The following GRIK4 variants were observed in gnomAD, a reference collection of about 807,000 sequenced individuals.
GRIK4 encodes the protein glutamate receptor ionotropic, kainate 4.
A neutral mutation model predicts 104.9 loss-of-function variants in GRIK4; 40 were observed. The observed-to-expected ratio is 0.38, with a 90% CI of 0.30 to 0.50. The LOEUF (loss-of-function observed/expected upper bound fraction) is 0.50, where lower values mean the gene tolerates loss of function less well. GRIK4 is among the 20% of genes least tolerant of loss of function. GRIK4 has a pLI of 0.93. For synonymous variants in GRIK4, 485 were observed against 524.9 expected, an observed-to-expected ratio of 0.92 and a Z score of 1.04; for missense variants, 1,047 against 1,308.1, an observed-to-expected ratio of 0.80 and a Z score of 3.08.
chr11:120,847,679 A>G (rs1953882111), intron 8 of GRIK4, among the ~76,000 whole-genome samples: 1 of 152,226 alleles, frequency 6.6e-6, no homozygotes, highest in Admixed American at 6.5e-5. Flanking sequence ...GGAGGTGGGG[A>G]GAACCTTTCA....
chr11:120,527,600 C>A (rs1947871524), intron 1 of GRIK4, among the ~76,000 whole-genome samples: 1 of 152,220 alleles, frequency 6.6e-6, no homozygotes, highest in Admixed American at 6.5e-5. Flanking sequence ...GGGCTGGGGG[C>A]TGGGAGGAAG....
chr11:120,785,044 G>C (rs185793299), intron 3 of GRIK4, among the ~76,000 whole-genome samples: 1 of 148,068 alleles, frequency 6.8e-6, no homozygotes, highest in African/African-American at 2.7e-5. Flanking sequence ...ACCTATGAAG[G>C]CTCCCAGCAG....
At chr11:120,694,526 C>T (rs893634823) in intron 3 of GRIK4, among the ~76,000 whole-genome samples, 1 of 152,136 alleles carries the variant, frequency 6.6e-6, no homozygotes, top group African/African-American at 2.4e-5. Flanking sequence ...TCCCCACCCA[C>T]CCCCCAACCC....
At chr11:120,725,463 G>T (rs1473734474) in intron 3 of GRIK4, among the ~76,000 whole-genome samples, 1 of 152,180 alleles carries the variant, frequency 6.6e-6, no homozygotes. Flanking sequence ...GGAGATGGTA[G>T]ATCAGTCTCA....
At chr11:120,721,473 G>A (rs1950932746) in intron 3 of GRIK4, among the ~76,000 whole-genome samples, 1 of 152,148 alleles carries the variant, frequency 6.6e-6, no homozygotes, top group African/African-American at 2.4e-5. Flanking sequence ...CCAAGAGGAG[G>A]GACCATGCCA....
intron 1 of GRIK4, among the ~76,000 whole-genome samples, chr11:120,645,221 C>T (rs1949527591): frequency 6.6e-6 from 1 of 152,118 alleles, no homozygotes; most frequent in Non-Finnish European, 1.5e-5. Flanking sequence ...TGCAAAGCCT[C>T]CTCTGACCGT....
At chr11:120,629,052 G>A (rs540468243) in intron 1 of GRIK4, among the ~76,000 whole-genome samples, 6 of 152,234 alleles carry the variant, frequency 3.9e-5, no homozygotes, top group Non-Finnish European at 5.9e-5. Context: ...CTGATGGAGC[G>A]GCACAGCCAT....
chr11:120,518,619 TTTTAAAATTTTTTAAATA>T (rs1456122629), intron 1 of GRIK4, among the ~76,000 whole-genome samples: 4 of 152,066 alleles, frequency 2.6e-5, no homozygotes, highest in Non-Finnish European at 5.9e-5. Flanking sequence ...GCCTGTGTCT[TTTTAAAATTTTTTAAATA>T]TTTTGAGATG....
chr11:120,844,964 G>C (rs1307328861), intron 8 of GRIK4, among the ~76,000 whole-genome samples: 1 of 152,190 alleles, frequency 6.6e-6, no homozygotes, highest in Non-Finnish European at 1.5e-5. Flanking sequence ...ACCTGGGACT[G>C]TTTCCTTCAC....
intron 6 of GRIK4, among the ~76,000 whole-genome samples, chr11:120,824,555 T>C (rs75161317): frequency 1.4e-5 from 2 of 144,818 alleles, no homozygotes; most frequent in Admixed American, 6.9e-5. Flanking sequence ...TTTCTTTTCT[T>C]TTTTTTTTTT....
intron 13 of GRIK4, among the ~76,000 whole-genome samples, chr11:120,934,001 G>A (rs1591301511): frequency 1.3e-5 from 2 of 151,998 alleles, no homozygotes; most frequent in African/African-American, 4.8e-5. Flanking sequence ...TCAGGAGATC[G>A]AGACCATCCT....
At chr11:120,792,170 A>G (rs556184989) in intron 3 of GRIK4, among the ~76,000 whole-genome samples, 5 of 152,240 alleles carry the variant, frequency 3.3e-5, no homozygotes, top group Admixed American at 1.3e-4. Context: ...CGAGATAGTC[A>G]GTGAGCAAAG....
intron 8 of GRIK4, among the ~76,000 whole-genome samples, chr11:120,846,489 T>A (rs1591984993): frequency 6.6e-6 from 1 of 152,136 alleles, no homozygotes; most frequent in Non-Finnish European, 1.5e-5. Flanking sequence ...GAAGCATGGG[T>A]TAGAGATGGC....
chr11:120,773,738 A>C (rs948028), intron 3 of GRIK4, among the ~76,000 whole-genome samples: 48,651 of 152,070 alleles, frequency 0.32, 11,191 homozygotes, highest in African/African-American at 0.66. Context: ...GAGGGGATAA[A>C]CTGGGCTCTG....
At chr11:120,710,589 A>G (rs944774921) in intron 3 of GRIK4, among the ~76,000 whole-genome samples, 7 of 152,080 alleles carry the variant, frequency 4.6e-5, no homozygotes, top group African/African-American at 1.7e-4. Context: ...CACAATAGAG[A>G]GTCTTTCTTC....
At chr11:120,678,654 G>A (rs1950142045) in intron 3 of GRIK4, among the ~76,000 whole-genome samples, 2 of 151,168 alleles carry the variant, frequency 1.3e-5, no homozygotes, top group African/African-American at 4.9e-5. Context: ...TTGTTTTTGA[G>A]ACGGAGTCTT....
intron 3 of GRIK4, among the ~76,000 whole-genome samples, chr11:120,778,881 A>G (rs951225718): frequency 6.6e-6 from 1 of 152,156 alleles, no homozygotes; most frequent in Non-Finnish European, 1.5e-5. Context: ...GGTGGGAGAA[A>G]GAGCTGACTC....
At chr11:120,564,967 C>G (rs910853892) in intron 1 of GRIK4, among the ~76,000 whole-genome samples, 1 of 132,820 alleles carries the variant, frequency 7.5e-6, no homozygotes, top group Non-Finnish European at 1.6e-5. Flanking sequence ...CGATCGGCTC[C>G]GCCGGCTGCG....
chr11:120,582,040 C>T (rs1480221290), intron 1 of GRIK4, among the ~76,000 whole-genome samples: 2 of 151,326 alleles, frequency 1.3e-5, no homozygotes, highest in Non-Finnish European at 1.5e-5. Context: ...ATCTCCTGAC[C>T]TCGTGATCTG....
Sources: gnomAD v4.1 joint callset for allele counts (sites outside exome capture counted in the v4.1 genomes callset) on GRCh38, gnomAD v4.1.1 for gene constraint, MANE v1.5 for transcripts, NCBI Gene and HGNC (gene_info 2026-07-23, HGNC 2026-07-21) for gene names.